The following MATN2 variants were observed in gnomAD, a reference collection of about 807,000 sequenced individuals.
MATN2 encodes matrilin-2.
MATN2 carries 69 observed loss-of-function variants against 103.2 expected under a neutral mutation model. The ratio of observed to expected loss-of-function variants is 0.67; its 90% confidence interval spans 0.55 to 0.82. MATN2 has a LOEUF of 0.82. MATN2 is among the 40% of genes least tolerant of loss of function. The probability of loss-of-function intolerance (pLI) is 0.00; values close to 1 mark genes in which losing one functional copy is unlikely to be tolerated. For synonymous variants in MATN2, 429 were observed against 450.2 expected (o/e 0.95, Z 0.60); for missense variants, 1,023 against 1,211.5 (o/e 0.84, Z 2.31).
chr8:97,965,615 C>T (rs541456966), intron 5 of MATN2, among the ~76,000 whole-genome samples: 1 of 152,186 alleles, frequency 6.6e-6, no homozygotes, highest in East Asian at 1.9e-4. Flanking sequence ...AGGAGGATTG[C>T]TTGAGCCCAG....
Position 97,931,296 on chromosome 8 carries a change from A to C in MATN2, c.486A>C (p.Pro162=), listed in dbSNP as rs766695701. 1.9e-6 allele frequency: 3 copies of C among 1,613,926 alleles called. No individual in the cohort carries two copies. The highest frequency in any genetic ancestry group is 2.5e-6 in the Non-Finnish European group (3 of 1,179,880). The change falls in exon 3 of 19, where the codon CCA becomes CCC. Residue 162 remains proline, a synonymous_variant. Coordinates refer to ENST00000254898, the MANE Select transcript of MATN2 (RefSeq NM_002380.5). The surrounding 1 kb of genome is among the most constrained non-coding windows in gnomAD (Gnocchi z 4.1). ...CCCGGCCCCTGAGGGAGAATGTGCCACGGGTCATAATGATCGTGACAGATG... is the reference window on the plus strand; with the variant it reads ...CCCGGCCCCTGAGGGAGAATGTGCCCCGGGTCATAATGATCGTGACAGATG... ...EGARPLRENV[P]RVIMIVTDGR... is the part of the protein sequence containing the mutation.
intron 1 of MATN2, among the ~76,000 whole-genome samples, chr8:97,873,624 T>C (rs1181895720): frequency 1.3e-5 from 2 of 152,206 alleles, no homozygotes; most frequent in East Asian, 3.9e-4. Context: ...GCCACCATGC[T>C]TGGCTGTTTT....
At chr8:97,975,953 C>A (rs1563702109) in intron 5 of MATN2, among the ~76,000 whole-genome samples, 2 of 152,138 alleles carry the variant, frequency 1.3e-5, no homozygotes, top group Non-Finnish European at 1.5e-5. Flanking sequence ...CTAGCTCAGT[C>A]TTTATGTTAT....
At chr8:97,996,659 G>A (rs1468010589) in intron 7 of MATN2, among the ~76,000 whole-genome samples, 1 of 152,208 alleles carries the variant, frequency 6.6e-6, no homozygotes, top group African/African-American at 2.4e-5. Context: ...TCAGCCTGCA[G>A]GAGCGGCCCC....
chr8:98,021,046 A>G (rs374558417), intron 12 of MATN2, 159 bp from the exon 13 acceptor site: 73 of 608,674 alleles, frequency 1.2e-4, no homozygotes, highest in African/African-American at 1.0e-3. Context: ...CTTTTTCCCC[A>G]TCCTGAGTAT....
At chr8:97,952,470 T>G (rs1302288725) in intron 4 of MATN2, among the ~76,000 whole-genome samples, 2 of 152,044 alleles carry the variant, frequency 1.3e-5, no homozygotes, top group African/African-American at 4.8e-5. Context: ...TGCTCCGTGC[T>G]CCCCCCTCAG....
chr8:97,990,179 C>CAA (rs34924183), intron 6 of MATN2, among the ~76,000 whole-genome samples: 5,265 of 44,998 alleles, frequency 0.12, 941 homozygotes, highest in African/African-American at 0.24. Flanking sequence ...AAGACTCTGT[C>CAA]AAAAAAAAAA....
Position 98,017,966 on chromosome 8 carries a change from T to C in MATN2, c.1697-28T>C, listed in dbSNP as rs749466588. ...CCATGTGAAATGTATGTTGTTGAAA[T>C]TGTTGTAACTTGCTCTCCTGTCTTC... On this transcript the variant is annotated intron_variant, in intron 11 of 18. Coordinates refer to ENST00000254898, the MANE Select transcript of MATN2 (RefSeq NM_002380.5). 2.5e-6 allele frequency: 4 copies of C among 1,610,696 alleles called. No homozygotes were observed. In the Admixed American group the frequency reaches 5.0e-5, roughly 20 times the overall value.
intron 4 of MATN2, among the ~76,000 whole-genome samples, chr8:97,948,145 C>T (rs1235246419): frequency 6.6e-6 from 1 of 152,166 alleles, no homozygotes; most frequent in African/African-American, 2.4e-5. Context: ...AAATGTGGCA[C>T]TGCATAGACC....
intron 7 of MATN2, among the ~76,000 whole-genome samples, chr8:98,000,722 A>G (rs554365051): frequency 6.6e-6 from 1 of 152,342 alleles, no homozygotes; most frequent in African/African-American, 2.4e-5. Context: ...GGCAGCAGCT[A>G]TGATGCTATG....
chr8:97,906,004 A>G (rs1394518125), intron 2 of MATN2, among the ~76,000 whole-genome samples: 5 of 152,194 alleles, frequency 3.3e-5, no homozygotes, highest in African/African-American at 4.8e-5. Flanking sequence ...ACATTAGCAC[A>G]CAAGTATCTT....
intron 1 of MATN2, among the ~76,000 whole-genome samples, chr8:97,887,574 G>A (rs1448345097): frequency 6.6e-6 from 1 of 152,190 alleles, no homozygotes; most frequent in Non-Finnish European, 1.5e-5. Flanking sequence ...AAATGTATGT[G>A]GGAGACAGGG....
intron 4 of MATN2, among the ~76,000 whole-genome samples, chr8:97,959,272 T>A (rs1489859161): frequency 6.6e-6 from 1 of 152,236 alleles, no homozygotes; most frequent in African/African-American, 2.4e-5. Context: ...CCTAGTAGGA[T>A]ACAAGCTGCG....
intron 1 of MATN2, among the ~76,000 whole-genome samples, chr8:97,878,363 G>A (rs950494183): frequency 2.6e-5 from 4 of 151,952 alleles, no homozygotes; most frequent in Admixed American, 6.6e-5. Flanking sequence ...AGGAGCTCAC[G>A]GCCAGCTGGA....
Position 97,929,756 on chromosome 8 carries a change from A to G in MATN2, c.143-1197A>G, listed in dbSNP as rs765633453. Among the ~76,000 whole-genome samples, 24 of 152,214 alleles carry G rather than the reference A, an allele frequency of 1.6e-4. 1 individual carries two copies. The highest frequency in any genetic ancestry group is 3.2e-4 in the Non-Finnish European group (22 of 68,042). ...CACTACTGTCCTAGGATTAGATCTGAGTCCCCCTCTCAATGAGATTAGTCC... is the reference window on the plus strand; with the variant it reads ...CACTACTGTCCTAGGATTAGATCTGGGTCCCCCTCTCAATGAGATTAGTCC... On this transcript the variant is annotated intron_variant, in intron 2 of 18. Coordinates refer to ENST00000254898, the MANE Select transcript of MATN2 (RefSeq NM_002380.5).
intron 6 of MATN2, among the ~76,000 whole-genome samples, chr8:97,979,956 A>AC (rs1451413624): frequency 6.6e-6 from 1 of 152,222 alleles, no homozygotes; most frequent in African/African-American, 2.4e-5. Flanking sequence ...AGCAGCTTAC[A>AC]AACACCAGAG....
intron 2 of MATN2, among the ~76,000 whole-genome samples, chr8:97,914,769 G>A (rs1432787601): frequency 3.9e-5 from 6 of 152,128 alleles, no homozygotes; most frequent in Non-Finnish European, 8.8e-5. Context: ...ACCTGGGTGC[G>A]TGTGCATCCC....
chr8:97,929,971 A>C (rs145305485), intron 2 of MATN2, among the ~76,000 whole-genome samples: 3 of 152,328 alleles, frequency 2.0e-5, no homozygotes, highest in African/African-American at 7.2e-5. Flanking sequence ...CCATCTGTCC[A>C]ACTAATTCCT....
At chr8:97,921,692 C>T (rs922807815) in intron 2 of MATN2, among the ~76,000 whole-genome samples, 8 of 152,330 alleles carry the variant, frequency 5.3e-5, no homozygotes, top group African/African-American at 1.7e-4. Flanking sequence ...GCTCAGGGGC[C>T]GCATCTCAGG....
Sources: allele counts gnomAD v4.1 joint callset (sites outside exome capture counted in the v4.1 genomes callset), GRCh38; gene constraint gnomAD v4.1.1; non-coding constraint Gnocchi (gnomAD v3.1); transcripts MANE v1.5; gene names NCBI Gene and HGNC (gene_info 2026-07-23, HGNC 2026-07-21).